ZNF385D: variants seen among roughly 807,000 people sequenced by gnomAD.
ZNF385D encodes the protein zinc finger protein 659.
Under a neutral mutation model 35.8 loss-of-function variants are expected in ZNF385D, and 15 were observed. The ratio of observed to expected loss-of-function variants is 0.42; its 90% CI spans 0.28 to 0.64. ZNF385D has a LOEUF of 0.64. Among genes scored for constraint, ZNF385D ranks in the 30% least tolerant of loss-of-function variants. ZNF385D has a pLI of 0.23. For synonymous variants in ZNF385D, 212 were observed against 186.8 expected (o/e 1.13, Z -1.10); for missense variants, 474 against 494.6 (o/e 0.96, Z 0.39).
intron 3 of ZNF385D, among the ~76,000 whole-genome samples, chr3:22,078,384 G>C (rs891570754): frequency 6.6e-6 from 1 of 152,030 alleles, no homozygotes; most frequent in East Asian, 1.9e-4. Flanking sequence ...GGCTCACAGA[G>C]AAAATGATCC....
intron 2 of ZNF385D, among the ~76,000 whole-genome samples, chr3:22,222,601 G>A (rs62246503): frequency 0.088 from 13,387 of 152,246 alleles, 803 homozygotes; most frequent in Non-Finnish European, 0.13. Context: ...CAATGGACTA[G>A]CTATACGACT....
intron 3 of ZNF385D, among the ~76,000 whole-genome samples, chr3:21,767,376 T>G (rs2070875238): frequency 1.7e-5 from 2 of 119,686 alleles, no homozygotes; most frequent in African/African-American, 3.2e-5. Flanking sequence ...ATTTTACTCA[T>G]TCTTTTTTTT....
chr3:22,300,911 A>G (rs1702865513), intron 2 of ZNF385D, among the ~76,000 whole-genome samples: 1 of 152,202 alleles, frequency 6.6e-6, no homozygotes, highest in South Asian at 2.1e-4. Flanking sequence ...GAACTACCAT[A>G]TGCTCCTCCA....
intron 2 of ZNF385D, among the ~76,000 whole-genome samples, chr3:22,223,713 T>C (rs1698393655): frequency 1.3e-5 from 2 of 152,156 alleles, no homozygotes; most frequent in Admixed American, 6.5e-5. Flanking sequence ...GAAACAAAAA[T>C]GTCCAACAAC....
At chr3:21,479,324 T>C (rs746606089) in intron 4 of ZNF385D, among the ~76,000 whole-genome samples, 63 of 152,052 alleles carry the variant, frequency 4.1e-4, no homozygotes, top group Non-Finnish European at 8.1e-4. Flanking sequence ...AACTGATCCA[T>C]AATTTAGCAT....
chr3:22,226,943 GC>G (rs892691600), intron 2 of ZNF385D, among the ~76,000 whole-genome samples: 1 of 151,806 alleles, frequency 6.6e-6, no homozygotes, highest in African/African-American at 2.4e-5. Context: ...ACATATTTCT[GC>G]CTGCAAATGC....
chr3:22,027,964 G>C (rs1159513727), intron 3 of ZNF385D, among the ~76,000 whole-genome samples: 1 of 152,210 alleles, frequency 6.6e-6, no homozygotes, highest in African/African-American at 2.4e-5. Flanking sequence ...ATCCCTGAAG[G>C]ATAGCAGTGA....
chr3:21,775,926 CT>C (rs1559611583), intron 3 of ZNF385D, among the ~76,000 whole-genome samples: 3 of 151,680 alleles, frequency 2.0e-5, no homozygotes, highest in African/African-American at 7.2e-5. Flanking sequence ...AAAATAAGTA[CT>C]CATAATTCCT....
chr3:21,809,326 A>G (rs750359421), intron 3 of ZNF385D, among the ~76,000 whole-genome samples: 1 of 152,068 alleles, frequency 6.6e-6, no homozygotes, highest in Non-Finnish European at 1.5e-5. Flanking sequence ...CTAGGTAAAT[A>G]TAAAAGACTA....
At chr3:21,435,304 C>T (rs1214904980) in intron 5 of ZNF385D, among the ~76,000 whole-genome samples, 1 of 134,870 alleles carries the variant, frequency 7.4e-6, no homozygotes, top group Non-Finnish European at 1.5e-5. Flanking sequence ...GTCAGCCAGG[C>T]TGGAGTGCAG....
At chr3:21,919,884 A>G (rs995682386) in intron 3 of ZNF385D, among the ~76,000 whole-genome samples, 1 of 152,232 alleles carries the variant, frequency 6.6e-6, no homozygotes, top group African/African-American at 2.4e-5. Flanking sequence ...TAACTTTTCC[A>G]AAGTGTCTCT....
intron 3 of ZNF385D, among the ~76,000 whole-genome samples, chr3:21,847,618 GGT>G (rs1305290457): frequency 6.6e-6 from 1 of 151,810 alleles, no homozygotes; most frequent in Non-Finnish European, 1.5e-5. Flanking sequence ...CTCTCCTTTG[GGT>G]GTGTCTGTGT....
chr3:22,192,899 G>A (rs947982040), intron 2 of ZNF385D, among the ~76,000 whole-genome samples: 1 of 152,070 alleles, frequency 6.6e-6, no homozygotes, highest in Non-Finnish European at 1.5e-5. Flanking sequence ...TAGGTAAGTT[G>A]CCATTATTAT....
At chr3:21,750,329 TA>T (rs2070002219) in intron 1 of ZNF385D, among the ~76,000 whole-genome samples, 1 of 152,218 alleles carries the variant, frequency 6.6e-6, no homozygotes, top group Admixed American at 6.5e-5. Context: ...CCGAGACCTC[TA>T]AAGGTTTCAA....
rs769034461 is a variant in ZNF385D at position 21,779,115 on chromosome 3, C to T, written c.326-114087G>A. On this transcript the variant is annotated intron_variant, in intron 3 of 5. Transcript: ENST00000494108. ...AAATCAACCACAGTCAGAGCTGGGA[C>T]GTGGAAAATGCCTAGGGATAAACCA... is the stretch of plus-strand genomic sequence containing the variant. Among the ~76,000 whole-genome samples, 8 of 152,004 alleles carry T rather than the reference C, an allele frequency of 5.3e-5. No homozygotes were observed. In the South Asian group the frequency reaches 6.2e-4, roughly 12 times the overall value.
intron 3 of ZNF385D, among the ~76,000 whole-genome samples, chr3:22,068,825 T>C (rs1321445572): frequency 6.6e-6 from 1 of 152,204 alleles, no homozygotes; most frequent in African/African-American, 2.4e-5. Flanking sequence ...AGAAAATGCT[T>C]CTAGCAACAA....
At chr3:21,969,065 A>T (rs1198028081) in intron 3 of ZNF385D, among the ~76,000 whole-genome samples, 4 of 152,128 alleles carry the variant, frequency 2.6e-5, no homozygotes, top group Non-Finnish European at 5.9e-5. Flanking sequence ...GTGAACATTA[A>T]TAACAGCCAG....
intron 3 of ZNF385D, among the ~76,000 whole-genome samples, chr3:21,897,683 T>C (rs894951229): frequency 1.3e-5 from 2 of 152,118 alleles, no homozygotes; most frequent in Non-Finnish European, 2.9e-5. Flanking sequence ...GGATGACATG[T>C]TCAGAGAAGG....
chr3:22,296,464 A>G (rs1702583785), intron 2 of ZNF385D, among the ~76,000 whole-genome samples: 1 of 152,164 alleles, frequency 6.6e-6, no homozygotes, highest in Admixed American at 6.6e-5. Flanking sequence ...AAGGAAGGGT[A>G]TGTCTAATGC....
Sources: gnomAD v4.1 joint callset for allele counts (sites outside exome capture counted in the v4.1 genomes callset) on GRCh38, gnomAD v4.1.1 for gene constraint, MANE v1.5 for transcripts, NCBI Gene and HGNC (gene_info 2026-07-23, HGNC 2026-07-21) for gene names.